Variants in CAPN10 observed in about 807,000 individuals in gnomAD.
CAPN10 encodes calpain 10.
In CAPN10, 71 loss-of-function variants were observed where a neutral mutation model predicts 78.4. That is an observed-to-expected ratio of 0.91 (90% CI 0.75 to 1.10). CAPN10 has a LOEUF of 1.10. Ranked by LOEUF, CAPN10 falls within the 50% of genes least tolerant of loss-of-function variation. The probability of loss-of-function intolerance (pLI) is 0.00; values close to 1 mark genes in which losing one functional copy is unlikely to be tolerated. For missense variants in CAPN10, 849 were observed against 924.6 expected (o/e 0.92, Z 1.06); for synonymous variants, 437 against 407.2 (o/e 1.07, Z -0.88).
intron 10 of CAPN10, 35 bp from the exon 11 acceptor site, chr2:240,598,317 C>T (rs375250955): frequency 5.6e-6 from 9 of 1,611,212 alleles, no homozygotes; most frequent in African/African-American, 1.3e-5. Flanking sequence ...GTGACAAGTG[C>T]AGTCTGGGAG....
intron 4 of CAPN10, chr2:240,592,408 A>C (rs1046235525): frequency 1.4e-6 from 1 of 694,684 alleles, no homozygotes; most frequent in Non-Finnish European, 2.7e-6. Flanking sequence ...CACCGAGTCA[A>C]AGCCCACTGT....
intron 9 of CAPN10, 46 bp downstream of exon 9, chr2:240,596,988 C>T (rs1343974362): frequency 1.2e-6 from 2 of 1,610,648 alleles, no homozygotes; most frequent in Admixed American, 3.3e-5. Context: ...AAGGGGCCCT[C>T]AGAGAATTTG....
Position 240,596,491 on chromosome 2 carries a change from G to T in CAPN10, c.1451G>T (p.Arg484Leu). 1 of 1,611,300 alleles carries T rather than the reference G, an allele frequency of 6.2e-7. No individual in the cohort carries two copies. The highest frequency in any genetic ancestry group is 8.5e-7 in the Non-Finnish European group (1 of 1,178,154). The part of the protein sequence containing the change: ...LKDAPGEFLL[R>L]VFSTGRVSLS... ...GACGCGCCAGGGGAGTTCCTGCTCC[G>T]AGTCTTCTCTACCGGGCGAGTCTCC... is the stretch of plus-strand genomic sequence containing the variant. Residue 484 changes from arginine to leucine, a missense_variant, in exon 8 of 12, where the codon CGA (arginine) becomes CTA (leucine). Coordinates refer to ENST00000391984, the MANE Select transcript of CAPN10 (RefSeq NM_023083.4).
In CAPN10 at chr2:240,586,826, C is replaced by T; in HGVS notation, c.-86C>T. 1 of 1,245,538 alleles carries T rather than the reference C, an allele frequency of 8.0e-7. No individual in the cohort carries two copies. The highest frequency in any genetic ancestry group is 1.0e-6 in the Non-Finnish European group (1 of 979,310). 77.2% of individuals were successfully genotyped at this position (1,245,538 alleles called of 1,614,324 possible). A position where few individuals can be genotyped will look rare whatever the true frequency, so the allele number is the denominator to read the frequency against. On this transcript the variant is annotated 5_prime_UTR_variant, in exon 1 of 12. Coordinates refer to ENST00000391984, the MANE Select transcript of CAPN10 (RefSeq NM_023083.4). ...CGGGCGGGGAACGGGCGGGGCGGGC[C>T]GGAGGCGGCGGCGGCTGACTCGCCT...
At chr2:240,592,356 C>A in intron 4 of CAPN10, 1 of 682,382 alleles carries the variant, frequency 1.5e-6, no homozygotes, top group South Asian at 1.6e-5. Context: ...CCTTCTCTCC[C>A]CTGACCAGTC....
Position 240,590,877 on chromosome 2 carries a change from C to T in CAPN10, c.336C>T (p.Arg112=), listed in dbSNP as rs2093097534. Residue 112 remains arginine, a synonymous_variant, in exon 3 of 12, where the codon CGC becomes CGT. Transcript: ENST00000391984. The part of the protein sequence containing the change: ...DQEYRGSFTC[R]IWQFGRWVEV... Reference sequence around the variant, plus strand: ...AGTACCGGGGCTCCTTCACCTGTCGCATTTGGCAGTTTGGACGCTGGGTGG... The same window carrying T: ...AGTACCGGGGCTCCTTCACCTGTCGTATTTGGCAGTTTGGACGCTGGGTGG... 12 of 1,614,252 alleles carry T rather than the reference C, an allele frequency of 7.4e-6. No individual in the cohort carries two copies. Among genetic ancestry groups the T allele is most frequent in the Non-Finnish European group, 1.0e-5 (12 of 1,180,048 alleles).
chr2:240,596,442 G>A lies in CAPN10; in HGVS notation c.1402G>A (p.Ala468Thr). 2 of 1,613,742 alleles carry A rather than the reference G, an allele frequency of 1.2e-6. No homozygotes were observed. The highest frequency in any genetic ancestry group is 1.1e-5 in the South Asian group (1 of 91,084). Residue 468 changes from alanine to threonine, a missense_variant, in exon 8 of 12, where the codon GCT becomes ACT. Physicochemically the swap from Ala to Thr is moderately conservative, Grantham distance 58 (BLOSUM62 0). Transcript: ENST00000391984. Reference protein sequence around the residue: ...RCELSPGYYLAVPSTFLKDAP... With the variant: ...RCELSPGYYLTVPSTFLKDAP... ...TGAGCTCTCACCGGGCTACTACCTGGCTGTCCCCAGCACCTTCCTGAAGGA... is the reference window on the plus strand; with the variant it reads ...TGAGCTCTCACCGGGCTACTACCTGACTGTCCCCAGCACCTTCCTGAAGGA...
chr2:240,594,995 A>G, intron 6 of CAPN10, 29 bp from the exon 7 acceptor site: 1 of 1,609,874 alleles, frequency 6.2e-7, no homozygotes, highest in Non-Finnish European at 8.5e-7. Flanking sequence ...GCCGTGTCCC[A>G]CAGCTGATGC....
intron 11 of CAPN10, 60 bp from the exon 12 acceptor site, chr2:240,598,591 G>C (rs1276090880): frequency 4.6e-6 from 7 of 1,536,874 alleles, no homozygotes; most frequent in Non-Finnish European, 5.3e-6. Flanking sequence ...CTGCACTCGG[G>C]GTGGGGTGTG....
chr2:240,597,607 A>G (rs921522867), intron 9 of CAPN10, among the ~76,000 whole-genome samples: 4 of 152,132 alleles, frequency 2.6e-5, no homozygotes, highest in African/African-American at 9.7e-5. Context: ...AACACATGCC[A>G]GGGCCAGTGG....
In CAPN10 at chr2:240,596,499, T is replaced by A; in HGVS notation, c.1459T>A (p.Ser487Thr). 4 of 1,609,818 alleles carry A rather than the reference T, an allele frequency of 2.5e-6. No homozygotes were observed. The highest frequency in any genetic ancestry group is 3.4e-6 in the Non-Finnish European group (4 of 1,177,114). The change falls in exon 8 of 12, where the codon TCT becomes ACT. Residue 487 changes from serine to threonine, a missense_variant. Ser to Thr is a moderately conservative substitution (Grantham distance 58). Coordinates refer to ENST00000391984, the MANE Select transcript of CAPN10 (RefSeq NM_023083.4). ...APGEFLLRVF[S>T]TGRVSLSAIR... is the part of the protein sequence containing the mutation. ...AGGGGAGTTCCTGCTCCGAGTCTTC[T>A]CTACCGGGCGAGTCTCCCTTAGGTG...
Position 240,587,111 on chromosome 2 carries a change from G to T in CAPN10, c.141+59G>T, listed in dbSNP as rs190561564. On this transcript the variant is annotated intron_variant, in intron 1 of 11. Transcript: ENST00000391984. ...CTGGTTTCTGAGATCTCCGCTCCTC[G>T]CAGGGAGCGGGGCGGGGTGGGCGGC... The T allele has an allele frequency of 4.2e-6, 5 of 1,181,978 alleles. No homozygotes were observed. The South Asian group carries it at 8.6e-5, about 20-fold the overall frequency. 73.2% of individuals were successfully genotyped at this position (1,181,978 alleles called of 1,614,324 possible).
chr2:240,591,336 G>T, intron 3 of CAPN10: 1 of 304,608 alleles, frequency 3.3e-6, no homozygotes, highest in Non-Finnish European at 6.2e-6. Flanking sequence ...TTGTGGAGTG[G>T]TTGGGACAGG....
Position 240,586,796 on chromosome 2 carries a change from TGGGCCGGGCGGGGAACGGGCGGGGC to T in CAPN10, c.-108_-84del, listed in dbSNP as rs2093070393. 9.2e-7 allele frequency: 1 copy of T among 1,087,054 alleles called. No individual in the cohort carries two copies. The highest frequency in any genetic ancestry group is 1.2e-6 in the Non-Finnish European group (1 of 838,462). The allele number at this position is 1,087,054 out of a possible 1,614,324, so 67.3% of individuals were successfully genotyped here. ...TGCGGGGCCCTCGGGCTTGGAGGGC[TGGGCCGGGCGGGGAACGGGCGGGGC>T]GGGCCGGAGGCGGCGGCGGCTGACT... On this transcript the variant is annotated 5_prime_UTR_variant, in exon 1 of 12. Transcript: ENST00000391984.
Position 240,598,347 on chromosome 2 carries a change from C to T in CAPN10, c.1944-5C>T, listed in dbSNP as rs2093150848. 3.7e-6 allele frequency: 6 copies of T among 1,613,796 alleles called. No homozygotes were observed. The East Asian group carries it at 1.3e-4, about 36-fold the overall frequency. On this transcript the variant is annotated splice_region_variant and splice_polypyrimidine_tract_variant and intron_variant, in intron 10 of 11. Transcript: ENST00000391984. ...TGGGAGCGCTGATCTGGTGTCTCTC[C>T]ACAGGCCATCCATTCACAGCCAGGA...
In CAPN10 at chr2:240,592,087, C is replaced by G; in HGVS notation, c.625C>G (p.Arg209Gly). The G allele has an allele frequency of 6.3e-7, 1 of 1,599,182 alleles. No homozygotes were observed. The highest frequency in any genetic ancestry group is 8.5e-7 in the Non-Finnish European group (1 of 1,174,492). ...RPGRWEHRTC[R>G]QLLHLKDQCL... ...AGGCCGCTGGGAGCACAGGACTTGT[C>G]GGCAGCTGCTCCACCTGAAGGACCA... is the stretch of plus-strand genomic sequence containing the variant. Residue 209 changes from arginine to glycine, a missense_variant, in exon 4 of 12, where the codon CGG (arginine) becomes GGG (glycine). By Grantham distance (125) the Arg-to-Gly change is moderately radical. Coordinates refer to ENST00000391984, the MANE Select transcript of CAPN10 (RefSeq NM_023083.4).
At chr2:240,598,249 G>A (rs1356315917) in intron 10 of CAPN10, 103 bp from the exon 11 acceptor site, 7 of 1,473,096 alleles carry the variant, frequency 4.8e-6, no homozygotes, top group East Asian at 4.5e-5. Flanking sequence ...TTCCTTGCTG[G>A]TCTGAGCCTG....
At chr2:240,587,393 G>T (rs184356420) in intron 1 of CAPN10, among the ~76,000 whole-genome samples, 5 of 152,330 alleles carry the variant, frequency 3.3e-5, no homozygotes, top group Admixed American at 2.6e-4. Context: ...GTTTGTGTCT[G>T]CTCCTCCCGC....
At chr2:240,598,518 T>C (rs1575453897) in intron 11 of CAPN10, 121 bp downstream of exon 11, 1 of 1,448,326 alleles carries the variant, frequency 6.9e-7, no homozygotes, top group Non-Finnish European at 9.6e-7. Flanking sequence ...TGACTCTTCC[T>C]GTGAGAGCCC....
Sources: gnomAD v4.1 joint callset for allele counts (sites outside exome capture counted in the v4.1 genomes callset) on GRCh38, gnomAD v4.1.1 for gene constraint, MANE v1.5 for transcripts, NCBI Gene and HGNC (gene_info 2026-07-23, HGNC 2026-07-21) for gene names.